FHIT: variants seen among roughly 807,000 people sequenced by gnomAD.
FHIT encodes fragile histidine triad diadenosine triphosphatase, also known as bis(5'-adenosyl)-triphosphatase.
Under a neutral mutation model 17.9 loss-of-function variants are expected in FHIT, and 19 were observed. The ratio of observed to expected loss-of-function variants is 1.06; its 90% CI spans 0.74 to 1.56. The LOEUF (loss-of-function observed/expected upper bound fraction) is 1.56. Among genes scored for constraint, FHIT ranks in the 40% most tolerant of loss-of-function variants. The pLI, the probability that FHIT is intolerant of heterozygous loss-of-function variation, is 0.00. For missense variants in FHIT, 248 were observed against 189.2 expected (o/e 1.31, Z -1.82); for synonymous variants, 81 against 69.7 (o/e 1.16, Z -0.81).
At chr3:59,756,403 A>C (rs73092687) in intron 8 of FHIT, among the ~76,000 whole-genome samples, 17,298 of 152,136 alleles carry the variant, frequency 0.11, 1,040 homozygotes, top group South Asian at 0.23. Context: ...TCTCATGGTA[A>C]AAGCTAAGGT....
intron 7 of FHIT, among the ~76,000 whole-genome samples, chr3:59,993,378 C>T (rs1004156604): frequency 1.3e-5 from 2 of 152,044 alleles, no homozygotes; most frequent in African/African-American, 4.8e-5. Flanking sequence ...CTGGTTATCC[C>T]TGGACTGTAT....
At chr3:60,418,473 T>A (rs560180288) in intron 5 of FHIT, among the ~76,000 whole-genome samples, 1 of 143,946 alleles carries the variant, frequency 6.9e-6, no homozygotes, top group African/African-American at 2.6e-5. Context: ...CTTACCAAGG[T>A]ATTTTTCTTG....
In FHIT at chr3:60,636,988, A is replaced by T. The variant is rs1425918674; in HGVS notation, c.-17-100009T>A. Among the ~76,000 whole-genome samples, 3 of 152,106 alleles carry T rather than the reference A, an allele frequency of 2.0e-5. No individual in the cohort carries two copies. In the East Asian group the frequency reaches 5.8e-4, roughly 29 times the overall value. The stretch of plus-strand genomic sequence containing the variant: ...GTGGGGGCTGGTGGGGCTTCCTTCC[A>T]TTTCCAAGACAGGTGGATCTCCTTG... On this transcript the variant is annotated intron_variant, in intron 4 of 9. Coordinates refer to ENST00000492590, the MANE Select transcript of FHIT (RefSeq NM_002012.4).
intron 5 of FHIT, among the ~76,000 whole-genome samples, chr3:60,297,340 T>C (rs939678651): frequency 6.6e-6 from 1 of 152,142 alleles, no homozygotes; most frequent in Admixed American, 6.6e-5. Context: ...GTTTTCACCA[T>C]ACAAATTCTA....
intron 5 of FHIT, among the ~76,000 whole-genome samples, chr3:60,430,460 C>T (rs1048319668): frequency 3.9e-5 from 6 of 152,058 alleles, no homozygotes; most frequent in Admixed American, 3.9e-4. Flanking sequence ...TTGATTCTTA[C>T]ACAGCCTATC....
intron 3 of FHIT, among the ~76,000 whole-genome samples, chr3:60,946,992 C>T (rs1003661550): frequency 1.3e-5 from 2 of 152,178 alleles, no homozygotes; most frequent in African/African-American, 4.8e-5. Context: ...TGTAAACAGT[C>T]AGATGTGGCT....
At chr3:60,009,456 TA>T (rs1332847986) in intron 7 of FHIT, among the ~76,000 whole-genome samples, 14 of 152,092 alleles carry the variant, frequency 9.2e-5, no homozygotes, top group African/African-American at 3.4e-4. Context: ...ATAAGTACTA[TA>T]TGTTAAGAAT....
intron 3 of FHIT, among the ~76,000 whole-genome samples, chr3:60,893,016 T>A (rs188964004): frequency 1.3e-5 from 2 of 152,310 alleles, no homozygotes; most frequent in Admixed American, 6.5e-5. Flanking sequence ...CAGAACATGC[T>A]ACCACAAAAC....
intron 4 of FHIT, among the ~76,000 whole-genome samples, chr3:60,619,765 A>C (rs782791256): frequency 3.3e-5 from 5 of 152,160 alleles, no homozygotes; most frequent in Non-Finnish European, 4.4e-5. Context: ...CATGAAAGTG[A>C]CTTTTTATAT....
rs77665088 is a variant in FHIT, at chr3:60,781,290, A to G, written c.-18+40629T>C. ...CTATTCTTTTACCAATGAGCTTACC[A>G]TATGCCAAAAACTATGCTATACTGG... On this transcript the variant is annotated intron_variant, in intron 4 of 9. Transcript: ENST00000492590. Among the ~76,000 whole-genome samples, 1,236 of 152,330 alleles carry G rather than the reference A, an allele frequency of 8.1e-3. 17 individuals are homozygous for G. Among genetic ancestry groups the G allele is most frequent in the East Asian group, 0.029 (149 of 5,176 alleles).
chr3:60,567,692 T>G (rs57056574), intron 4 of FHIT, among the ~76,000 whole-genome samples: 1,963 of 152,130 alleles, frequency 0.013, 34 homozygotes, highest in African/African-American at 0.044. Flanking sequence ...GGAGAAAATT[T>G]TTGCAGTCTA....
At chr3:60,044,050 T>C (rs1370536259) in intron 5 of FHIT, among the ~76,000 whole-genome samples, 2 of 152,340 alleles carry the variant, frequency 1.3e-5, no homozygotes, top group South Asian at 4.1e-4. Flanking sequence ...TTTTAAATGT[T>C]GTAAGTCAAA....
intron 3 of FHIT, among the ~76,000 whole-genome samples, chr3:60,927,504 C>T (rs560840206): frequency 1.3e-5 from 2 of 152,110 alleles, no homozygotes; most frequent in African/African-American, 4.8e-5. Flanking sequence ...GTGAGGAGCA[C>T]CTCTTCCTGG....
chr3:60,934,238 T>C (rs1708088903), intron 3 of FHIT, among the ~76,000 whole-genome samples: 1 of 151,886 alleles, frequency 6.6e-6, no homozygotes, highest in Non-Finnish European at 1.5e-5. Flanking sequence ...GGGAAATTCA[T>C]GGGCGAATGT....
In FHIT at chr3:60,676,282, T is replaced by C. The variant is rs79455386; in HGVS notation, c.-17-139303A>G. Among the ~76,000 whole-genome samples, 547 of 152,316 alleles carry C rather than the reference T, an allele frequency of 3.6e-3. 3 individuals carry two copies. The highest frequency in any genetic ancestry group is 0.012 in the African/African-American group (517 of 41,564). On this transcript the variant is annotated intron_variant, in intron 4 of 9. Coordinates refer to ENST00000492590, the MANE Select transcript of FHIT (RefSeq NM_002012.4). Reference sequence around the variant, plus strand: ...ACATCACAATTTTAGCTCAAGTTTATTTTTGTTGTGTGTATTTGACAATCC... The same window carrying C: ...ACATCACAATTTTAGCTCAAGTTTACTTTTGTTGTGTGTATTTGACAATCC...
intron 5 of FHIT, among the ~76,000 whole-genome samples, chr3:60,073,796 A>G (rs1365420905): frequency 6.6e-6 from 1 of 152,110 alleles, no homozygotes; most frequent in Admixed American, 6.6e-5. Flanking sequence ...TATTATTCTC[A>G]GCTGGAATTC....
At position 60,722,707 on chromosome 3, in the gene FHIT, CTTTTTT is replaced by C. The variant is rs1157024624; in HGVS notation, c.-18+99206_-18+99211del. The stretch of plus-strand genomic sequence containing the variant: ...CTGGTTGAAAACTGTTACCTTAAAT[CTTTTTT>C]TTTTTTTTTTTTTTTTTTAGATGGA... On this transcript the variant is annotated intron_variant, in intron 4 of 9. Coordinates refer to ENST00000492590, the MANE Select transcript of FHIT (RefSeq NM_002012.4). 2.4e-3 allele frequency among the ~76,000 whole-genome samples: 249 copies of C among 104,952 alleles called. 2 individuals carry two copies. Among genetic ancestry groups the C allele is most frequent in the African/African-American group, 8.8e-3 (239 of 27,262 alleles). The allele number at this position is 104,952 out of a possible 152,430, so 68.9% of individuals were successfully genotyped here.
At chr3:61,102,307 G>C (rs1177394238) in intron 2 of FHIT, among the ~76,000 whole-genome samples, 4 of 152,202 alleles carry the variant, frequency 2.6e-5, no homozygotes, top group South Asian at 4.1e-4. Context: ...CATCTACTGA[G>C]ATAATCATGT....
At chr3:60,577,341 C>G (rs1216599364) in intron 4 of FHIT, among the ~76,000 whole-genome samples, 2 of 152,088 alleles carry the variant, frequency 1.3e-5, no homozygotes, top group Admixed American at 1.3e-4. Flanking sequence ...CTTAATTTAG[C>G]CCCTTACATT....
Sources: gnomAD v4.1 joint callset for allele counts (sites outside exome capture counted in the v4.1 genomes callset) on GRCh38, gnomAD v4.1.1 for gene constraint, MANE v1.5 for transcripts, NCBI Gene and HGNC (gene_info 2026-07-23, HGNC 2026-07-21) for gene names.